Variants in MMP28 observed in about 807,000 individuals in gnomAD.
MMP28 encodes the protein matrix metallopeptidase 28.
MMP28 carries 55 observed loss-of-function variants against 60.5 expected under a neutral mutation model. The ratio of observed to expected loss-of-function variants is 0.91; its 90% CI spans 0.73 to 1.14. The LOEUF (loss-of-function observed/expected upper bound fraction) is 1.14, where lower values mean the gene tolerates loss of function less well. MMP28 is among the 50% of genes most tolerant of loss of function. The pLI is 0.00. For missense variants in MMP28, 686 were observed against 738.3 expected, an observed-to-expected ratio of 0.93 and a Z score of 0.82; for synonymous variants, 318 against 312.5, an observed-to-expected ratio of 1.02 and a Z score of -0.18.
intron 1 of MMP28, among the ~76,000 whole-genome samples, chr17:35,794,247 T>G: frequency 1.1e-5 from 1 of 93,548 alleles, no homozygotes; most frequent in African/African-American, 5.1e-5. Context: ...TACAACCACT[T>G]TTTTTTTTTT....
At chr17:35,776,730 C>CA (rs907432950) in intron 3 of MMP28, among the ~76,000 whole-genome samples, 13 of 150,612 alleles carry the variant, frequency 8.6e-5, no homozygotes, top group East Asian at 2.0e-4. Flanking sequence ...ACTAAAAATA[C>CA]AAAAAAAAAT....
At chr17:35,773,605 A>T (rs547272026) in intron 3 of MMP28, among the ~76,000 whole-genome samples, 1 of 151,950 alleles carries the variant, frequency 6.6e-6, no homozygotes, top group East Asian at 1.9e-4. Context: ...GACTGAGAGG[A>T]CTCCCCTTAC....
At chr17:35,790,370 C>T (rs2143608647) in intron 1 of MMP28, among the ~76,000 whole-genome samples, 1 of 152,042 alleles carries the variant, frequency 6.6e-6, no homozygotes, top group East Asian at 1.9e-4. Context: ...CAGGCTTTTG[C>T]AAAATTTAAA....
intron 2 of MMP28, 60 bp downstream of exon 2, chr17:35,779,184 T>C (rs2086425292): frequency 1.9e-6 from 3 of 1,569,882 alleles, no homozygotes; most frequent in Non-Finnish European, 1.7e-6. Flanking sequence ...AGGGAGGAAA[T>C]GGTCAGAGCT....
intron 2 of MMP28, chr17:35,760,821 C>A: frequency 1.7e-6 from 2 of 1,211,200 alleles, no homozygotes; most frequent in Non-Finnish European, 1.2e-6. Flanking sequence ...AGGTGAGGTT[C>A]TAGCCCCACC....
chr17:35,787,312 C>T (rs2143562935), intron 1 of MMP28, among the ~76,000 whole-genome samples: 1 of 152,342 alleles, frequency 6.6e-6, no homozygotes, highest in African/African-American at 2.4e-5. Context: ...TAAAGATAAA[C>T]ATCTGCTACC....
downstream of MMP28, chr17:35,764,716 T>G (rs956720181): frequency 5.3e-6 from 7 of 1,325,344 alleles, no homozygotes; most frequent in Admixed American, 6.6e-5. Flanking sequence ...TTCGACGCAT[T>G]CCGCAGGACC....
Position 35,794,688 on chromosome 17 carries a change from GC to G in MMP28, c.111+578del, listed in dbSNP as rs145967282. On this transcript the variant is annotated intron_variant, in intron 1 of 7. Transcript: ENST00000605424. ...GGAGCTCTCTAAGGTTCACCTTCCT[GC>G]CCCCTTAAGTTCAGTCCTGAAGCCC... is the stretch of plus-strand genomic sequence containing the variant. Among the ~76,000 whole-genome samples, 665 of 152,252 alleles carry G rather than the reference GC, an allele frequency of 4.4e-3. 8 individuals are homozygous for G. The highest frequency in any genetic ancestry group is 0.015 in the African/African-American group (636 of 41,550).
At position 35,766,842 on chromosome 17, in the gene MMP28, C is replaced by A. The variant is rs1417760367; in HGVS notation, c.1221G>T (p.Gln407His). The change falls in exon 8 of 8, where the codon CAG (glutamine) becomes CAT (histidine). Residue 407 changes from glutamine to histidine, a missense_variant. Gln to His is a conservative substitution (Grantham distance 24, BLOSUM62 0). Coordinates refer to ENST00000605424, the MANE Select transcript of MMP28 (RefSeq NM_024302.5). This position sits in a 1 kb window ranked among gnomAD's most constrained non-coding sequence, Gnocchi z 4.3. Reference protein sequence around the residue: ...RGPKPVWGLPQLCRAGGLPRH... With the variant: ...RGPKPVWGLPHLCRAGGLPRH... ...GGGGCAGGCCCCCTGCCCGGCACAG[C>A]TGTGGGAGACCCCACACTGGCTTGG... 6.3e-7 allele frequency: 1 copy of A among 1,579,170 alleles called. No individual in the cohort carries two copies. Among genetic ancestry groups the A allele is most frequent in the East Asian group, 2.3e-5 (1 of 43,024 alleles).
chr17:35,768,110 G>T, intron 6 of MMP28, 120 bp downstream of exon 6: 1 of 1,371,518 alleles, frequency 7.3e-7, no homozygotes, highest in Non-Finnish European at 9.8e-7. Flanking sequence ...CCTGCAGCGT[G>T]CTTGTGGCTT....
At chr17:35,780,053 T>A (rs1188293307) in intron 1 of MMP28, among the ~76,000 whole-genome samples, 1 of 152,074 alleles carries the variant, frequency 6.6e-6, no homozygotes, top group East Asian at 1.9e-4. Context: ...GTAGATATAT[T>A]TATTTATTTA....
At chr17:35,761,420 T>G (rs1408325759), downstream of MMP28, among the ~76,000 whole-genome samples, 2 of 134,278 alleles carry the variant, frequency 1.5e-5, no homozygotes. Flanking sequence ...CTGTTTTTTG[T>G]TTTTTTTTTT....
intron 4 of MMP28, 120 bp downstream of exon 4, chr17:35,773,060 C>A: frequency 1.2e-6 from 1 of 822,006 alleles, no homozygotes; most frequent in Non-Finnish European, 1.9e-6. Flanking sequence ...GGGTTCTCTG[C>A]AGGGAGATGT....
In MMP28 at chr17:35,770,260, G is replaced by T. The variant is rs1555605066; in HGVS notation, c.657C>A (p.Asp219Glu). Residue 219 changes from aspartate (D) to glutamate (E), a missense_variant, in exon 5 of 8, where the codon GAC becomes GAA. By Grantham distance (45) the Asp-to-Glu change is conservative. Coordinates refer to ENST00000605424, the MANE Select transcript of MMP28 (RefSeq NM_024302.5). ...FLPRRGEAHF[D>E]QDERWSLSRR... ...GGCTCAGGGACCAGCGCTCATCTTG[G>T]TCGAAGTGCGCTTCGCCGCGGCGGG... The T allele has an allele frequency of 5.1e-6, 8 of 1,580,126 alleles. No individual in the cohort carries two copies. Among genetic ancestry groups the T allele is most frequent in the Non-Finnish European group, 6.8e-6 (8 of 1,170,432 alleles).
intron 3 of MMP28, among the ~76,000 whole-genome samples, chr17:35,774,846 A>G (rs1458534289): frequency 6.6e-6 from 1 of 152,176 alleles, no homozygotes; most frequent in Non-Finnish European, 1.5e-5. Context: ...GGTGCGGCTG[A>G]GGGTTTGTGA....
intron 4 of MMP28, among the ~76,000 whole-genome samples, chr17:35,770,993 C>T (rs1028945243): frequency 1.3e-5 from 2 of 152,070 alleles, no homozygotes; most frequent in Admixed American, 6.6e-5. Context: ...GTCAAGGCTG[C>T]GGTGAGCTGT....
chr17:35,793,458 G>C (rs1041707188), intron 1 of MMP28, among the ~76,000 whole-genome samples: 9 of 152,182 alleles, frequency 5.9e-5, no homozygotes, highest in African/African-American at 2.2e-4. Context: ...TCTCAATTCA[G>C]AGAAACAAAG....
chr17:35,762,703 A>T (rs1432247119), downstream of MMP28, among the ~76,000 whole-genome samples: 1 of 152,006 alleles, frequency 6.6e-6, no homozygotes, highest in Non-Finnish European at 1.5e-5. Flanking sequence ...AATCATACAG[A>T]GGTGCTGTAA....
chr17:35,766,831 G>A lies in MMP28; in HGVS notation c.1232C>T (p.Ala411Val). The A allele has an allele frequency of 6.3e-7, 1 of 1,575,660 alleles. No homozygotes were observed. The highest frequency in any genetic ancestry group is 8.6e-7 in the Non-Finnish European group (1 of 1,161,408). ...PVWGLPQLCR[A>V]GGLPRHPDAA... ...GTCAGGATGGCGGGGCAGGCCCCCT[G>A]CCCGGCACAGCTGTGGGAGACCCCA... The change falls in exon 8 of 8, where the codon GCA becomes GTA. Residue 411 changes from alanine (A) to valine (V), a missense_variant. Physicochemically the swap from Ala to Val is moderately conservative, Grantham distance 64 (BLOSUM62 0). Transcript: ENST00000605424. This position sits in a 1 kb window ranked among gnomAD's most constrained non-coding sequence, Gnocchi z 4.3.
Sources: gnomAD v4.1 joint callset for allele counts (sites outside exome capture counted in the v4.1 genomes callset) on GRCh38, gnomAD v4.1.1 for gene constraint, Gnocchi (gnomAD v3.1) non-coding constraint, MANE v1.5 for transcripts, NCBI Gene and HGNC (gene_info 2026-07-23, HGNC 2026-07-21) for gene names.